The following SPTB variants were observed in gnomAD, a reference collection of about 807,000 sequenced individuals.
SPTB encodes spectrin beta chain, erythrocytic.
SPTB carries 45 observed loss-of-function variants against 256.2 expected under a neutral mutation model. The ratio of observed to expected loss-of-function variants is 0.18; its 90% CI spans 0.14 to 0.23. The LOEUF (loss-of-function observed/expected upper bound fraction) is 0.23. SPTB is among the 10% of genes least tolerant of loss of function. SPTB has a pLI of 1.00. For missense variants in SPTB, 2,715 were observed against 3,040.4 expected (o/e 0.89, Z 2.52); for synonymous variants, 1,231 against 1,243.1 (o/e 0.99, Z 0.21).
rs2082569307 is a variant in SPTB, at chr14:64,786,389, T to TGA, written c.3561+13_3561+14dup. 1 of 1,613,818 alleles carries TGA rather than the reference T, an allele frequency of 6.2e-7. No homozygotes were observed. The highest frequency in any genetic ancestry group is 1.1e-5 in the South Asian group (1 of 91,084). On this transcript the variant is annotated intron_variant, in intron 16 of 35. Coordinates refer to ENST00000644917, the MANE Select transcript of SPTB (RefSeq NM_001355436.2). This position sits in a 1 kb window ranked among gnomAD's most constrained non-coding sequence, Gnocchi z 5.6. ...CTGAGAGACCCGCCTGTCCCAGCCC[T>TGA]GAATGCCTCTCTACCTGGTTGCTGA...
chr14:64,750,209 T>A (rs1566730573), intron 33 of SPTB, 55 bp from the exon 34 acceptor site: 1 of 1,567,482 alleles, frequency 6.4e-7, no homozygotes, highest in African/African-American at 1.4e-5. Flanking sequence ...ATCTCTAGAG[T>A]CAATTCCTAT....
chr14:64,822,363 C>T (rs913015165), intron 2 of SPTB, among the ~76,000 whole-genome samples: 1 of 103,464 alleles, frequency 9.7e-6, no homozygotes, highest in Admixed American at 8.9e-5. Flanking sequence ...CTCTCTCTCT[C>T]TCTCTCTCTC....
At chr14:64,842,030 G>A (rs1230510608) in intron 1 of SPTB, among the ~76,000 whole-genome samples, 4 of 152,232 alleles carry the variant, frequency 2.6e-5, no homozygotes, top group African/African-American at 9.6e-5. Flanking sequence ...ACACTGAGCT[G>A]CTTGCAAAGT....
rs902035251 is a variant in SPTB, at chr14:64,750,864, ATACC to A, written c.6603-714_6603-711del. 1.3e-4 allele frequency among the ~76,000 whole-genome samples: 19 copies of A among 146,352 alleles called. 1 individual carries two copies. The highest frequency in any genetic ancestry group is 4.7e-4 in the African/African-American group (19 of 40,276). ...TTTACATATTTATTATATAACATAT[ATACC>A]TATTATGTATAATATATATTTATAT... On this transcript the variant is annotated intron_variant, in intron 33 of 35. Coordinates refer to ENST00000644917, the MANE Select transcript of SPTB (RefSeq NM_001355436.2).
At position 64,793,347 on chromosome 14, in the gene SPTB, C is replaced by A; in HGVS notation, c.2316G>T (p.Gly772=). The A allele has an allele frequency of 6.2e-7, 1 of 1,611,368 alleles. No homozygotes were observed. ...GGGCCCGCGTGGCCCCTTCGTCCTG[C>A]CCCACATCTTCACCAGAGAGCAGCC... ...AHRLLSGEDV[G]QDEGATRALG... is the part of the protein sequence containing the mutation. Residue 772 remains glycine, a synonymous_variant, in exon 14 of 36, where the codon GGG becomes GGT. Transcript: ENST00000644917. The surrounding 1 kb of genome is among the most constrained non-coding windows in gnomAD (Gnocchi z 7.0).
In SPTB at chr14:64,749,495, T is replaced by G; in HGVS notation, c.6820-22A>C. 6.3e-7 allele frequency: 1 copy of G among 1,598,098 alleles called. No individual in the cohort carries two copies. Among genetic ancestry groups the G allele is most frequent in the Non-Finnish European group, 8.5e-7 (1 of 1,177,768 alleles). On this transcript the variant is annotated intron_variant, in intron 35 of 35. Coordinates refer to ENST00000644917, the MANE Select transcript of SPTB (RefSeq NM_001355436.2). The surrounding 1 kb of genome is among the most constrained non-coding windows in gnomAD (Gnocchi z 4.7). ...CCTCCTGCGGGGCGGAGGGTCACGG[T>G]GGAGTCTGGAGGCCCACAGCCCCCC... is the stretch of plus-strand genomic sequence containing the variant.
chr14:64,805,518 C>T (rs1479335836), intron 2 of SPTB, among the ~76,000 whole-genome samples: 2 of 152,160 alleles, frequency 1.3e-5, no homozygotes, highest in African/African-American at 2.4e-5. Flanking sequence ...ACTAATTCAT[C>T]CTTTAAGAGC....
chr14:64,843,716 A>C (rs941085295), intron 1 of SPTB, among the ~76,000 whole-genome samples: 1 of 152,196 alleles, frequency 6.6e-6, no homozygotes, highest in Admixed American at 6.5e-5. Context: ...GGGAGAGAAG[A>C]GTGGGTGTGA....
chr14:64,751,778 A>C lies in SPTB; in HGVS notation c.6603-1624T>G, dbSNP rs528929094. On this transcript the variant is annotated intron_variant, in intron 33 of 35. Coordinates refer to ENST00000644917, the MANE Select transcript of SPTB (RefSeq NM_001355436.2). ...GTATACTAAACTTTTTAAAGGAACA[A>C]ATTTTACAAATAGGGCTCATGTCGG... 3.2e-4 allele frequency among the ~76,000 whole-genome samples: 49 copies of C among 152,114 alleles called. 1 individual carries two copies. In the East Asian group the frequency reaches 7.6e-3, roughly 23 times the overall value.
chr14:64,822,454 T>C (rs138281836), intron 2 of SPTB, among the ~76,000 whole-genome samples: 1 of 133,968 alleles, frequency 7.5e-6, no homozygotes, highest in African/African-American at 2.8e-5. Flanking sequence ...AGTTTAAGGA[T>C]GAAAGGTTTC....
rs1232166362 is a variant in SPTB at position 64,786,879 on chromosome 14, T to G, written c.3086A>C (p.Lys1029Thr). ...QQLMDSHPEQ[K>T]EDIGQRQKHL... ...TTTTTGCCGCTGACCAATATCCTCC[T>G]TCTGCTCAGGGTGCGAGTCCATCAG... The change falls in exon 16 of 36, where the codon AAG becomes ACG. Residue 1029 changes from lysine (K) to threonine (T), a missense_variant. Lys to Thr is a moderately conservative substitution (Grantham distance 78). Around this residue, in one of 4 missense-constraint regions of SPTB, gnomAD observed 2,239 missense variants for 2,384.4 expected, o/e 0.94. Transcript: ENST00000644917. This position sits in a 1 kb window ranked among gnomAD's most constrained non-coding sequence, Gnocchi z 5.6. The G allele has an allele frequency of 6.2e-7, 1 of 1,612,902 alleles. No individual in the cohort carries two copies. Among genetic ancestry groups the G allele is most frequent in the Non-Finnish European group, 8.5e-7 (1 of 1,180,038 alleles).
chr14:64,803,654 G>T lies in SPTB; in HGVS notation c.427C>A (p.His143Asn), dbSNP rs1406317876. The T allele has an allele frequency of 6.2e-7, 1 of 1,614,182 alleles. No homozygotes were observed. The highest frequency in any genetic ancestry group is 8.5e-7 in the Non-Finnish European group (1 of 1,180,022). ...MGSHDIVDGN[H>N]RLVLGLIWTI... The stretch of plus-strand genomic sequence containing the variant: ...CAGATGAGGCCCAGGACCAGGCGGT[G>T]GTTGCCATCTACAATGTCGTGGGAG... Residue 143 changes from histidine (H) to asparagine (N), a missense_variant, in exon 4 of 36, where the codon CAC becomes AAC. Around this residue, in one of 4 missense-constraint regions of SPTB, gnomAD observed 416 missense variants for 571.1 expected, o/e 0.73. Transcript: ENST00000644917.
In SPTB at chr14:64,772,716, C is replaced by T; in HGVS notation, c.5417G>A (p.Gly1806Asp). The T allele has an allele frequency of 6.2e-7, 1 of 1,613,910 alleles. No individual in the cohort carries two copies. Among genetic ancestry groups the T allele is most frequent in the Non-Finnish European group, 8.5e-7 (1 of 1,180,014 alleles). The change falls in exon 26 of 36, where the codon GGT becomes GAT. Residue 1806 changes from glycine to aspartate, a missense_variant. Gly to Asp is a moderately conservative substitution (Grantham distance 94). Around this residue, in one of 4 missense-constraint regions of SPTB, gnomAD observed 2,239 missense variants for 2,384.4 expected, o/e 0.94. Transcript: ENST00000644917. The surrounding 1 kb of genome is among the most constrained non-coding windows in gnomAD (Gnocchi z 5.4). ...GTCGATGAGGCCCAGGATCTCGGCACCCGTGTAGAAGTAGCGGTGCAGGTC... is the reference window on the plus strand; with the variant it reads ...GTCGATGAGGCCCAGGATCTCGGCATCCGTGTAGAAGTAGCGGTGCAGGTC... ...SYDLHRYFYT[G>D]AEILGLIDEK... is the part of the protein sequence containing the mutation.
At chr14:64,768,902 G>T in intron 29 of SPTB, 132 bp downstream of exon 29, 2 of 807,768 alleles carry the variant, frequency 2.5e-6, no homozygotes, top group Non-Finnish European at 4.3e-6. Flanking sequence ...CCAGAGCTTT[G>T]CTGAAGAGCA....
chr14:64,750,921 T>C (rs960559991), intron 33 of SPTB, among the ~76,000 whole-genome samples: 2 of 141,400 alleles, frequency 1.4e-5, no homozygotes, highest in African/African-American at 2.7e-5. Flanking sequence ...AAAATATGTA[T>C]ATTACATTAT....
rs754189933 is a variant in SPTB, at chr14:64,772,980, G to C, written c.5179-26C>G. 1.3e-6 allele frequency: 2 copies of C among 1,591,948 alleles called. No individual in the cohort carries two copies. Among genetic ancestry groups the C allele is most frequent in the South Asian group, 2.2e-5 (2 of 89,282 alleles). ...CTAGGCATGGGGCAGACAGAAATGT[G>C]GTTATGGGGGGCACAGGGGTTACAG... On this transcript the variant is annotated intron_variant, in intron 25 of 35. Coordinates refer to ENST00000644917, the MANE Select transcript of SPTB (RefSeq NM_001355436.2). This position sits in a 1 kb window ranked among gnomAD's most constrained non-coding sequence, Gnocchi z 5.4.
At position 64,785,941 on chromosome 14, in the gene SPTB, A is replaced by C. The variant is rs767687371; in HGVS notation, c.3572T>G (p.Leu1191Arg). Residue 1191 changes from leucine to arginine, a missense_variant, in exon 17 of 36, where the codon CTG becomes CGG. Coordinates refer to ENST00000644917, the MANE Select transcript of SPTB (RefSeq NM_001355436.2). This position sits in a 1 kb window ranked among gnomAD's most constrained non-coding sequence, Gnocchi z 4.4. ...EAILSNQEYT[L>R]AHLEPPDSLE... ...GGAGTCTGGGGGCTCCAAGTGAGCC[A>C]GAGTGTATTCCTGTTGGAACAAGTT... 4 of 1,613,972 alleles carry C rather than the reference A, an allele frequency of 2.5e-6. No individual in the cohort carries two copies. In the African/African-American group the frequency reaches 5.3e-5, roughly 22 times the overall value.
Position 64,759,999 on chromosome 14 carries a change from C to G in SPTB, c.6346-6206G>C, listed in dbSNP as rs1355431944. Among the ~76,000 whole-genome samples, 2 of 151,982 alleles carry G rather than the reference C, an allele frequency of 1.3e-5. No individual in the cohort carries two copies. The highest frequency in any genetic ancestry group is 2.9e-5 in the Non-Finnish European group (2 of 67,998). On this transcript the variant is annotated intron_variant, in intron 32 of 35. Coordinates refer to ENST00000644917, the MANE Select transcript of SPTB (RefSeq NM_001355436.2). This position sits in a 1 kb window ranked among gnomAD's most constrained non-coding sequence, Gnocchi z 4.8. ...GTGTGTACTGGCTGTGGGATCATGA[C>G]ATCAGAGGAGGGCAGGGGACAAGCA... is the stretch of plus-strand genomic sequence containing the variant.
Position 64,786,480 on chromosome 14 carries a change from T to C in SPTB, c.3485A>G (p.His1162Arg). 6.2e-7 allele frequency: 1 copy of C among 1,614,140 alleles called. No homozygotes were observed. Among genetic ancestry groups the C allele is most frequent in the Non-Finnish European group, 8.5e-7 (1 of 1,180,020 alleles). ...ALGRMWESRS[H>R]TLAQCLGFQE... is the part of the protein sequence containing the mutation. ...GAAGCCAAGGCACTGAGCGAGGGTG[T>C]GGCTGCGGCTCTCCCACATCCTGCC... Residue 1162 changes from histidine to arginine, a missense_variant, in exon 16 of 36, where the codon CAC (histidine) becomes CGC (arginine). This residue lies in a region of SPTB where 2,239 missense variants were observed against 2,384.4 expected (regional missense o/e 0.94). Transcript: ENST00000644917. This position sits in a 1 kb window ranked among gnomAD's most constrained non-coding sequence, Gnocchi z 5.6.
Sources: gnomAD v4.1 joint callset for allele counts (sites outside exome capture counted in the v4.1 genomes callset) on GRCh38, gnomAD v4.1.1 for gene constraint, gnomAD v4.1.1 regional missense constraint, Gnocchi (gnomAD v3.1) non-coding constraint, MANE v1.5 for transcripts, NCBI Gene and HGNC (gene_info 2026-07-23, HGNC 2026-07-21) for gene names.